Variants in BTC observed in about 807,000 individuals in gnomAD.
The protein encoded by BTC is betacellulin.
A neutral mutation model predicts 18.1 loss-of-function variants in BTC; 13 were observed. The ratio of observed to expected loss-of-function variants is 0.72; its 90% CI spans 0.47 to 1.14. The LOEUF (loss-of-function observed/expected upper bound fraction) is 1.14. Ranked by LOEUF, BTC falls within the 50% of genes most tolerant of loss-of-function variation. The pLI is 0.00. For synonymous variants in BTC, 83 were observed against 79.4 expected (o/e 1.05, Z -0.24); for missense variants, 247 against 224.2 (o/e 1.10, Z -0.65).
chr4:74,770,768 A>C (rs1725016376), intron 1 of BTC, among the ~76,000 whole-genome samples: 1 of 151,942 alleles, frequency 6.6e-6, no homozygotes, highest in East Asian at 1.9e-4. Flanking sequence ...TGATTCAAAC[A>C]AACCAACCAG....
rs1242023756 is a variant in BTC, at chr4:74,748,106, TTTC to T, written c.469_471del (p.Glu157del). 6.2e-6 allele frequency: 10 copies of T among 1,610,022 alleles called. No homozygotes were observed. Among genetic ancestry groups the T allele is most frequent in the East Asian group, 2.2e-5 (1 of 44,846 alleles). Reference sequence around the variant, plus strand: ...GTTATATCTTTACCCAGAGTTTCCATTTCTTCTTCTTTCTTCTTTCTTTTACGA... The same window carrying T: ...GTTATATCTTTACCCAGAGTTTCCATTTCTTCTTTCTTCTTTCTTTTACGA... On this transcript the variant is annotated inframe_deletion, in exon 5 of 6. Transcript: ENST00000395743.
rs973310509 is a variant in BTC at position 74,745,559 on chromosome 4, G to A, written c.*1118C>T. ...CAGTGTTTATTAAATATTTCATGGA[G>A]TAAAGGAGCACTTGGCAAGATGGTC... On this transcript the variant is annotated 3_prime_UTR_variant, in exon 6 of 6. Transcript: ENST00000395743. 3 of 152,136 alleles carry A rather than the reference G, an allele frequency of 2.0e-5. No homozygotes were observed. Among genetic ancestry groups the A allele is most frequent in the African/African-American group, 7.2e-5 (3 of 41,424 alleles). The allele number at this position is 152,136 out of a possible 1,614,324, so 9.4% of individuals were successfully genotyped here. A position where few individuals can be genotyped will look rare whatever the true frequency, so the allele number is the denominator to read the frequency against.
At chr4:74,753,917 T>C (rs1005088546) in intron 3 of BTC, among the ~76,000 whole-genome samples, 3 of 152,214 alleles carry the variant, frequency 2.0e-5, no homozygotes, top group Admixed American at 2.0e-4. Context: ...TTAAAAATTA[T>C]GAAACACTTG....
intron 2 of BTC, among the ~76,000 whole-genome samples, chr4:74,761,134 G>GGA (rs1553957290): frequency 6.7e-6 from 1 of 150,052 alleles, no homozygotes; most frequent in Non-Finnish European, 1.5e-5. Context: ...CCCTTTGGAG[G>GGA]AAAAAAAAAA....
At position 74,745,660 on chromosome 4, in the gene BTC, A is replaced by G. The variant is rs1553955403; in HGVS notation, c.*1017T>C. ...AGAGCAATCATATATGCTGTCATCA[A>G]GAACATAAATGAGGATATGGTCACA... On this transcript the variant is annotated 3_prime_UTR_variant, in exon 6 of 6. Coordinates refer to ENST00000395743, the MANE Select transcript of BTC (RefSeq NM_001729.4). The G allele has an allele frequency of 1.3e-5, 2 of 152,194 alleles. No individual in the cohort carries two copies. Among genetic ancestry groups the G allele is most frequent in the East Asian group, 3.8e-4 (2 of 5,196 alleles). The allele number at this position is 152,194 out of a possible 1,614,324, so 9.4% of individuals were successfully genotyped here. A position where few individuals can be genotyped will look rare whatever the true frequency, so the allele number is the denominator to read the frequency against.
intron 1 of BTC, among the ~76,000 whole-genome samples, chr4:74,779,685 G>A (rs1395447680): frequency 6.6e-6 from 1 of 152,088 alleles, no homozygotes; most frequent in African/African-American, 2.4e-5. Flanking sequence ...CATGGTCTCT[G>A]ACCCATGAGG....
At chr4:74,763,269 G>T (rs1397515591) in intron 2 of BTC, among the ~76,000 whole-genome samples, 2 of 152,040 alleles carry the variant, frequency 1.3e-5, no homozygotes, top group African/African-American at 4.8e-5. Flanking sequence ...TAATGTATTT[G>T]TATTTTAATT....
chr4:74,784,902 T>C (rs897259561), intron 1 of BTC, among the ~76,000 whole-genome samples: 25 of 152,190 alleles, frequency 1.6e-4, no homozygotes, highest in Admixed American at 6.5e-4. Flanking sequence ...TTTTTGTATC[T>C]CTGCCAGGTT....
intron 1 of BTC, among the ~76,000 whole-genome samples, chr4:74,776,190 G>A (rs908196590): frequency 6.6e-6 from 1 of 150,980 alleles, no homozygotes; most frequent in African/African-American, 2.4e-5. Flanking sequence ...TTTACCTTAA[G>A]AAAATAGTTT....
chr4:74,756,828 G>T lies in BTC; in HGVS notation c.164-852C>A, dbSNP rs149471170. Among the ~76,000 whole-genome samples, 999 of 152,318 alleles carry T rather than the reference G, an allele frequency of 6.6e-3. 5 individuals carry two copies. The highest frequency in any genetic ancestry group is 0.01 in the Non-Finnish European group (705 of 68,020). ...CCTTGCCTTATGCTTTTAGGTAAAG[G>T]CCTAATTGATTGCCTAATTTTTCAC... On this transcript the variant is annotated intron_variant, in intron 2 of 5. Coordinates refer to ENST00000395743, the MANE Select transcript of BTC (RefSeq NM_001729.4).
chr4:74,748,554 TTC>T (rs1553955747), intron 4 of BTC, among the ~76,000 whole-genome samples: 1 of 151,258 alleles, frequency 6.6e-6, no homozygotes, highest in East Asian at 1.9e-4. Flanking sequence ...AAAATTAGGG[TTC>T]TCTCTTAACC....
At chr4:74,751,584 T>A (rs1354312371) in intron 3 of BTC, among the ~76,000 whole-genome samples, 1 of 152,186 alleles carries the variant, frequency 6.6e-6, no homozygotes, top group Non-Finnish European at 1.5e-5. Flanking sequence ...TGCCTTAGGA[T>A]ACATCTAACA....
intron 1 of BTC, among the ~76,000 whole-genome samples, chr4:74,793,164 C>A (rs765039662): frequency 5.9e-5 from 9 of 152,324 alleles, no homozygotes; most frequent in Admixed American, 2.0e-4. Context: ...ATTCACTCTA[C>A]CACTAAATTG....
intron 2 of BTC, among the ~76,000 whole-genome samples, chr4:74,764,970 A>G (rs188023326): frequency 7.9e-6 from 1 of 126,992 alleles, no homozygotes; most frequent in East Asian, 2.0e-4. Context: ...GTGCAGGGGA[A>G]CTCCCATTTA....
At position 74,746,480 on chromosome 4, in the gene BTC, C is replaced by T. The variant is rs1553955497; in HGVS notation, c.*197G>A. On this transcript the variant is annotated 3_prime_UTR_variant, in exon 6 of 6. Coordinates refer to ENST00000395743, the MANE Select transcript of BTC (RefSeq NM_001729.4). ...GCTACCTAACCAGTTGCTTTTTTCC[C>T]AATTACTAGACAATATACATATAAT... is the stretch of plus-strand genomic sequence containing the variant. The T allele has an allele frequency of 6.6e-6, 1 of 152,348 alleles. No homozygotes were observed. The highest frequency in any genetic ancestry group is 2.4e-5 in the African/African-American group (1 of 41,364). 9.4% of individuals were successfully genotyped at this position (152,348 alleles called of 1,614,324 possible).
intron 2 of BTC, among the ~76,000 whole-genome samples, chr4:74,767,437 A>C (rs2109897057): frequency 6.6e-6 from 1 of 152,172 alleles, no homozygotes; most frequent in African/African-American, 2.4e-5. Context: ...AGGAAGACAA[A>C]AATATATAAA....
At chr4:74,758,592 T>A (rs1344736286) in intron 2 of BTC, among the ~76,000 whole-genome samples, 1 of 152,192 alleles carries the variant, frequency 6.6e-6, no homozygotes, top group Admixed American at 6.5e-5. Context: ...TATCCTAAAC[T>A]TTATTTCTCT....
chr4:74,776,101 AT>A (rs1196955890), intron 1 of BTC, among the ~76,000 whole-genome samples: 7 of 151,776 alleles, frequency 4.6e-5, no homozygotes, highest in Admixed American at 1.3e-4. Context: ...AAGCTCCTCT[AT>A]TTTTTATACT....
intron 2 of BTC, among the ~76,000 whole-genome samples, chr4:74,760,124 T>C (rs1724710159): frequency 6.6e-6 from 1 of 152,246 alleles, no homozygotes; most frequent in Admixed American, 6.5e-5. Flanking sequence ...TACTGTATTC[T>C]GAAGTCAACT....
Sources: allele counts gnomAD v4.1 joint callset (sites outside exome capture counted in the v4.1 genomes callset), GRCh38; gene constraint gnomAD v4.1.1; transcripts MANE v1.5; gene names NCBI Gene and HGNC (gene_info 2026-07-23, HGNC 2026-07-21).